PRRC2B: variants seen among roughly 807,000 people sequenced by gnomAD.
PRRC2B encodes protein PRRC2B.
A neutral mutation model predicts 242.3 loss-of-function variants in PRRC2B; 68 were observed. The ratio of observed to expected loss-of-function variants is 0.28; its 90% CI spans 0.23 to 0.34. PRRC2B has a LOEUF of 0.34. Ranked by LOEUF, PRRC2B falls within the 10% of genes least tolerant of loss-of-function variation. The pLI, the probability that PRRC2B is intolerant of heterozygous loss-of-function variation, is 1.00. For missense variants in PRRC2B, 2,835 were observed against 2,954.8 expected (o/e 0.96, Z 0.94); for synonymous variants, 1,228 against 1,173.6 (o/e 1.05, Z -0.95).
At chr9:131,429,971 A>C in intron 1 of PRRC2B, 123 bp from the exon 2 acceptor site, 1 of 600,248 alleles carries the variant, frequency 1.7e-6, no homozygotes, top group South Asian at 2.1e-5. Context: ...CCATCTTCAG[A>C]TCTTCAAGGA....
At chr9:131,407,887 G>A (rs928538726) in intron 1 of PRRC2B, among the ~76,000 whole-genome samples, 1 of 152,196 alleles carries the variant, frequency 6.6e-6, no homozygotes, top group East Asian at 1.9e-4. Context: ...AGTAAGGACA[G>A]CCACCTTAGT....
intron 1 of PRRC2B, among the ~76,000 whole-genome samples, chr9:131,407,277 G>A (rs1837390895): frequency 6.6e-6 from 1 of 152,146 alleles, no homozygotes; most frequent in African/African-American, 2.4e-5. Flanking sequence ...GGGTAATGGG[G>A]CAGTGCAATA....
At chr9:131,469,915 A>T (rs528840318) in intron 13 of PRRC2B, among the ~76,000 whole-genome samples, 5 of 152,198 alleles carry the variant, frequency 3.3e-5, no homozygotes, top group Non-Finnish European at 7.3e-5. Flanking sequence ...GGTTACCAGC[A>T]GTAAAATCCA....
chr9:131,437,149 G>A (rs1838401145), intron 4 of PRRC2B, among the ~76,000 whole-genome samples: 1 of 152,128 alleles, frequency 6.6e-6, no homozygotes, highest in African/African-American at 2.4e-5. Context: ...ACAAAACGAA[G>A]CGAGCTCCTT....
intron 1 of PRRC2B, among the ~76,000 whole-genome samples, chr9:131,405,757 G>C (rs778737868): frequency 6.6e-6 from 1 of 152,104 alleles, no homozygotes; most frequent in African/African-American, 2.4e-5. Context: ...GAGAGAGCTC[G>C]CTGGGAGAGT....
chr9:131,402,379 C>T (rs951577679), intron 1 of PRRC2B, among the ~76,000 whole-genome samples: 2 of 152,208 alleles, frequency 1.3e-5, no homozygotes, highest in African/African-American at 4.8e-5. Context: ...TTATTTTTAG[C>T]ATAGTATTTC....
intron 31 of PRRC2B, among the ~76,000 whole-genome samples, chr9:131,495,516 C>T (rs1259024342): frequency 2.0e-5 from 3 of 152,116 alleles, no homozygotes; most frequent in Non-Finnish European, 2.9e-5. Flanking sequence ...CCTGCCTCTC[C>T]GAATCACTGC....
At chr9:131,488,507 C>T (rs1375130151) in intron 28 of PRRC2B, among the ~76,000 whole-genome samples, 1 of 152,160 alleles carries the variant, frequency 6.6e-6, no homozygotes, top group African/African-American at 2.4e-5. Flanking sequence ...AGTGATCTGC[C>T]CGCCTTGGCC....
intron 6 of PRRC2B, among the ~76,000 whole-genome samples, chr9:131,445,445 C>A (rs1461184442): frequency 2.0e-5 from 3 of 152,222 alleles, no homozygotes; most frequent in African/African-American, 7.2e-5. Context: ...AGGCGTGAGC[C>A]ACCGCGCCCA....
In PRRC2B at chr9:131,467,697, A is replaced by G; in HGVS notation, c.1855A>G (p.Lys619Glu). 6.2e-7 allele frequency: 1 copy of G among 1,613,938 alleles called. No homozygotes were observed. Among genetic ancestry groups the G allele is most frequent in the Non-Finnish European group, 8.5e-7 (1 of 1,179,856 alleles). ...GGCTGGGTCCCCTGCACAGGAGTTC[A>G]AGTATCAGAAGTCCCTTCCTCCCCG... ...REAGSPAQEFKYQKSLPPRFQ... is the reference protein window; with the variant it reads ...REAGSPAQEFEYQKSLPPRFQ... Residue 619 changes from lysine (K) to glutamate (E), a missense_variant, in exon 13 of 32, where the codon AAG becomes GAG. Around this residue, in one of 7 missense-constraint regions of PRRC2B, gnomAD observed 1,536 missense variants for 1,483.1 expected, o/e 1.04. Transcript: ENST00000683519.
At chr9:131,441,760 C>G (rs1838586077) in intron 5 of PRRC2B, among the ~76,000 whole-genome samples, 1 of 152,146 alleles carries the variant, frequency 6.6e-6, no homozygotes, top group African/African-American at 2.4e-5. Flanking sequence ...TTGATAGACT[C>G]AGTTGATAGG....
At chr9:131,435,170 C>T (rs1001427111) in intron 3 of PRRC2B, among the ~76,000 whole-genome samples, 1 of 151,532 alleles carries the variant, frequency 6.6e-6, no homozygotes, top group Non-Finnish European at 1.5e-5. Context: ...TGGTCGTGCA[C>T]GCCTGTAATC....
intron 26 of PRRC2B, chr9:131,486,632 C>A: frequency 1.3e-6 from 1 of 740,864 alleles, no homozygotes; most frequent in South Asian, 6.1e-5. Context: ...AGTCTCCCCT[C>A]TAATGCTGGT....
chr9:131,464,370 A>G (rs1039480840), intron 11 of PRRC2B, among the ~76,000 whole-genome samples: 12 of 152,190 alleles, frequency 7.9e-5, no homozygotes, highest in African/African-American at 2.4e-4. Flanking sequence ...TGACCCAGGA[A>G]TGATCAGTGT....
At chr9:131,426,437 C>T (rs1478782509) in intron 1 of PRRC2B, among the ~76,000 whole-genome samples, 1 of 151,598 alleles carries the variant, frequency 6.6e-6, no homozygotes, top group Non-Finnish European at 1.5e-5. Flanking sequence ...TTTCTTGAGA[C>T]AGGATCTCGC....
At chr9:131,433,116 A>G (rs1012895249) in intron 3 of PRRC2B, among the ~76,000 whole-genome samples, 2 of 152,172 alleles carry the variant, frequency 1.3e-5, no homozygotes, top group Admixed American at 6.5e-5. Flanking sequence ...AGCTTATGCA[A>G]TGACTCAGAG....
In PRRC2B at chr9:131,495,765, C is replaced by G. The variant is rs918065726; in HGVS notation, c.6581C>G (p.Pro2194Arg). The G allele has an allele frequency of 6.2e-7, 1 of 1,612,114 alleles. No homozygotes were observed. Among genetic ancestry groups the G allele is most frequent in the South Asian group, 1.1e-5 (1 of 91,066 alleles). ...GCAAAACAACGAGTGGATGAGAAAC[C>G]CAGCCTGGGAGCCGTGAAGCTGCAG... Reference protein sequence around the residue: ...QQAKQRVDEKPSLGAVKLQEA... With the variant: ...QQAKQRVDEKRSLGAVKLQEA... Residue 2194 changes from proline (P) to arginine (R), a missense_variant, in exon 32 of 32, where the codon CCC becomes CGC. Coordinates refer to ENST00000683519, the MANE Select transcript of PRRC2B (RefSeq NM_013318.4).
At chr9:131,491,714 C>A in intron 29 of PRRC2B, 134 bp downstream of exon 29, 1 of 853,608 alleles carries the variant, frequency 1.2e-6, no homozygotes, top group Non-Finnish European at 1.8e-6. Context: ...GGAAGGTGAC[C>A]ATGTGTGGGG....
At position 131,473,669 on chromosome 9, in the gene PRRC2B, T is replaced by A. The variant is rs1210763170; in HGVS notation, c.2269T>A (p.Tyr757Asn). ...EGYMALQSKG[Y>N]PLPHPKSSDT... Reference sequence around the variant, plus strand: ...CTACATGGCACTGCAGAGCAAGGGCTACCCGCTCCCGCACCCGAAGTCGAG... The same window carrying A: ...CTACATGGCACTGCAGAGCAAGGGCAACCCGCTCCCGCACCCGAAGTCGAG... The change falls in exon 15 of 32, where the codon TAC becomes AAC. Residue 757 changes from tyrosine (Y) to asparagine (N), a missense_variant. Coordinates refer to ENST00000683519, the MANE Select transcript of PRRC2B (RefSeq NM_013318.4). 4 of 1,613,852 alleles carry A rather than the reference T, an allele frequency of 2.5e-6. No homozygotes were observed. Among genetic ancestry groups the A allele is most frequent in the Admixed American group, 1.7e-5 (1 of 60,006 alleles).
Sources: gnomAD v4.1 joint callset for allele counts (sites outside exome capture counted in the v4.1 genomes callset) on GRCh38, gnomAD v4.1.1 for gene constraint, gnomAD v4.1.1 regional missense constraint, MANE v1.5 for transcripts, NCBI Gene and HGNC (gene_info 2026-07-23, HGNC 2026-07-21) for gene names.